Variants in PPP6R2 observed in about 807,000 individuals in gnomAD.
PPP6R2 encodes the protein serine/threonine-protein phosphatase 6 regulatory subunit 2.
Under a neutral mutation model 100.2 loss-of-function variants are expected in PPP6R2, and 62 were observed. That is an observed-to-expected ratio of 0.62 (90% confidence interval 0.50 to 0.76). The LOEUF is 0.76. PPP6R2 is among the 30% of genes least tolerant of loss of function. The pLI is 0.00. For synonymous variants in PPP6R2, 525 were observed against 514.7 expected (o/e 1.02, Z -0.27); for missense variants, 1,142 against 1,276.3 (o/e 0.89, Z 1.60).
In PPP6R2 at chr22:50,355,102, C is replaced by G. The variant is rs931618445; in HGVS notation, c.-148+11552C>G. Among the ~76,000 whole-genome samples the G allele has an allele frequency of 6.6e-5, 10 of 151,980 alleles. No individual in the cohort carries two copies. The South Asian group carries it at 1.0e-3, about 16-fold the overall frequency. ...AAGCGATCCTCCCACCTCAGCCTCC[C>G]AAAGTACTGGGACTACAGGCGTGAG... is the stretch of plus-strand genomic sequence containing the variant. On this transcript the variant is annotated intron_variant, in intron 1 of 23. Transcript: ENST00000612753.
intron 4 of PPP6R2, among the ~76,000 whole-genome samples, chr22:50,411,993 C>T (rs927101008): frequency 2.6e-5 from 4 of 151,564 alleles, no homozygotes; most frequent in Non-Finnish European, 5.9e-5. Flanking sequence ...TGCAGTGAGC[C>T]GAGATTGCGC....
chr22:50,411,528 G>A (rs758307475), intron 4 of PPP6R2, among the ~76,000 whole-genome samples: 7 of 151,914 alleles, frequency 4.6e-5, no homozygotes, highest in East Asian at 1.9e-4. Context: ...CAAGGCAAGC[G>A]GATTATCTGA....
intron 3 of PPP6R2, among the ~76,000 whole-genome samples, chr22:50,398,997 T>A (rs546966893): frequency 6.6e-6 from 1 of 152,162 alleles, no homozygotes; most frequent in South Asian, 2.1e-4. Flanking sequence ...CCTGTAATCC[T>A]AGCACTTTGG....
chr22:50,359,217 CTTT>C (rs368586121), intron 1 of PPP6R2, among the ~76,000 whole-genome samples: 2 of 129,170 alleles, frequency 1.5e-5, no homozygotes, highest in South Asian at 2.4e-4. Context: ...CCAGGCTGGT[CTTT>C]TTTTTTTTTT....
At chr22:50,337,464 AGT>A in the PPP6R2 span, among the ~76,000 whole-genome samples, 1 of 82,648 alleles carries the variant, frequency 1.2e-5, no homozygotes, top group Non-Finnish European at 2.2e-5. Flanking sequence ...TGTGGTATGT[AGT>A]GTGTGTAGTG....
chr22:50,422,418 C>T lies in PPP6R2; in HGVS notation c.972+38C>T, dbSNP rs563648729. On this transcript the variant is annotated intron_variant, in intron 9 of 23. Coordinates refer to ENST00000612753, the MANE Select transcript of PPP6R2 (RefSeq NM_001242898.2). ...GGCGACTGCTGAGTGCCTTTGGAGGCGTCGCAGGAGAGGTTGATTTGCAGG... is the reference window on the plus strand; with the variant it reads ...GGCGACTGCTGAGTGCCTTTGGAGGTGTCGCAGGAGAGGTTGATTTGCAGG... The T allele has an allele frequency of 3.6e-5, 58 of 1,608,598 alleles. No individual in the cohort carries two copies. In the South Asian group the frequency reaches 5.0e-4, roughly 14 times the overall value.
chr22:50,414,564 T>C lies in PPP6R2; in HGVS notation c.427T>C (p.Leu143=). The part of the protein sequence containing the change: ...ARKTEQVITF[L]KKKDKFISLV... The stretch of plus-strand genomic sequence containing the variant: ...TGTGTGATTTCAGGTGATTACGTTT[T>C]TGAAGAAGAAGGACAAGTTCATCAG... The change falls in exon 5 of 24, where the codon TTG becomes CTG. Residue 143 remains leucine (L), a synonymous_variant. Transcript: ENST00000612753. 1 of 1,614,036 alleles carries C rather than the reference T, an allele frequency of 6.2e-7. No homozygotes were observed. The highest frequency in any genetic ancestry group is 1.1e-5 in the South Asian group (1 of 91,078).
At chr22:50,389,145 T>G (rs927769134) in intron 2 of PPP6R2, 1 of 152,242 alleles carries the variant, frequency 6.6e-6, no homozygotes, top group African/African-American at 2.4e-5. Flanking sequence ...CATACTGTGC[T>G]TGACATCCCA....
chr22:50,440,184 G>A, intron 21 of PPP6R2, 135 bp downstream of exon 21: 1 of 817,512 alleles, frequency 1.2e-6, no homozygotes, highest in Non-Finnish European at 1.9e-6. Context: ...TGACATTGGG[G>A]TTTGATACAG....
the PPP6R2 span, among the ~76,000 whole-genome samples, chr22:50,332,836 A>C: frequency 5.3e-5 from 8 of 151,818 alleles, no homozygotes; most frequent in Admixed American, 2.6e-4. Context: ...GTTGGCCAGG[A>C]TGGTCTTGAT....
chr22:50,436,987 G>T lies in PPP6R2; in HGVS notation c.1603-1G>T. On this transcript the variant is annotated splice_acceptor_variant, in intron 14 of 23. Transcript: ENST00000612753. LOFTEE classifies it high-confidence loss of function. The stretch of plus-strand genomic sequence containing the variant: ...CCCACCCCATCTGGCCTGTGTTTTA[G>T]GTGAGCACTCACCACCTTCACTCCT... 1 of 1,555,118 alleles carries T rather than the reference G, an allele frequency of 6.4e-7. No homozygotes were observed. Among genetic ancestry groups the T allele is most frequent in the Non-Finnish European group, 8.7e-7 (1 of 1,149,352 alleles).
intron 3 of PPP6R2, among the ~76,000 whole-genome samples, chr22:50,397,360 G>A (rs1603177957): frequency 6.6e-6 from 1 of 152,210 alleles, no homozygotes; most frequent in African/African-American, 2.4e-5. Context: ...GAAAGGGAGA[G>A]GGAAGTCGGG....
intron 3 of PPP6R2, among the ~76,000 whole-genome samples, chr22:50,398,576 C>T (rs2057503740): frequency 7.0e-6 from 1 of 143,300 alleles, no homozygotes; most frequent in Non-Finnish European, 1.5e-5. Context: ...AGTGCAGTGG[C>T]GCGATCTTGG....
intron 1 of PPP6R2, among the ~76,000 whole-genome samples, chr22:50,369,318 A>C (rs1052223109): frequency 2.0e-5 from 3 of 151,992 alleles, no homozygotes; most frequent in African/African-American, 4.8e-5. Context: ...GCCTATTTTG[A>C]GTTATTTAGC....
At position 50,436,386 on chromosome 22, in the gene PPP6R2, T is replaced by TGG; in HGVS notation, c.1537_1538dup (p.Arg514AlafsTer11). On this transcript the variant is annotated frameshift_variant, in exon 14 of 24. Transcript: ENST00000612753. LOFTEE classifies it high-confidence loss of function. ...TTGCAGGGCTCCCTGCGGACTGCCG[T>TGG]GGCCGCTGGGAGAGCTTCGTGGAGG... 6.3e-7 allele frequency: 1 copy of TGG among 1,584,066 alleles called. No homozygotes were observed. The highest frequency in any genetic ancestry group is 8.6e-7 in the Non-Finnish European group (1 of 1,166,446).
intron 1 of PPP6R2, among the ~76,000 whole-genome samples, chr22:50,362,719 C>A (rs2048029931): frequency 6.6e-6 from 1 of 152,196 alleles, no homozygotes; most frequent in African/African-American, 2.4e-5. Context: ...GGGACTGACA[C>A]CCTCATACAA....
chr22:50,395,771 T>C (rs2056662751), intron 3 of PPP6R2, among the ~76,000 whole-genome samples: 1 of 150,778 alleles, frequency 6.6e-6, no homozygotes, highest in South Asian at 2.2e-4. Context: ...TTCACCACGT[T>C]GCACAGGCTG....
At position 50,418,740 on chromosome 22, in the gene PPP6R2, T is replaced by C. The variant is rs2060895358; in HGVS notation, c.619-127T>C. 3.0e-5 allele frequency: 22 copies of C among 741,060 alleles called. 1 individual carries two copies. In the South Asian group the frequency reaches 3.7e-4, roughly 12 times the overall value. 45.9% of individuals were successfully genotyped at this position (741,060 alleles called of 1,614,324 possible). A position where few individuals can be genotyped will look rare whatever the true frequency, so the allele number is the denominator to read the frequency against. On this transcript the variant is annotated intron_variant, in intron 6 of 23. Transcript: ENST00000612753. ...AAGTATTTGAACATCACAGTGGTAT[T>C]GAACAACAACGAAAGTCTAGCATCT... is the stretch of plus-strand genomic sequence containing the variant.
At chr22:50,440,077 C>A in intron 21 of PPP6R2, 28 bp downstream of exon 21, 1 of 1,583,508 alleles carries the variant, frequency 6.3e-7, no homozygotes, top group South Asian at 1.1e-5. Context: ...AGGCGGCACC[C>A]AGCCTTGCCC....
Sources: allele counts gnomAD v4.1 joint callset (sites outside exome capture counted in the v4.1 genomes callset), GRCh38; gene constraint gnomAD v4.1.1; transcripts MANE v1.5; gene names NCBI Gene and HGNC (gene_info 2026-07-23, HGNC 2026-07-21).